NDUFAF6: variants seen among roughly 807,000 people sequenced by gnomAD.
NDUFAF6 encodes NADH dehydrogenase (ubiquinone) complex I, assembly factor 6.
In NDUFAF6, 45 loss-of-function variants were observed where a neutral mutation model predicts 40.8. The ratio of observed to expected loss-of-function variants is 1.10; its 90% confidence interval spans 0.87 to 1.42. The LOEUF (loss-of-function observed/expected upper bound fraction) is 1.42, where lower values mean the gene tolerates loss of function less well. Ranked by LOEUF, NDUFAF6 falls within the 40% of genes most tolerant of loss-of-function variation. The probability of loss-of-function intolerance (pLI) is 0.00; values close to 1 mark genes in which losing one functional copy is unlikely to be tolerated. For missense variants in NDUFAF6, 435 were observed against 418.5 expected (o/e 1.04, Z -0.34); for synonymous variants, 185 against 155.9 (o/e 1.19, Z -1.39).
At chr8:95,026,455 C>G (rs903191874) in intron 1 of NDUFAF6, among the ~76,000 whole-genome samples, 1 of 151,914 alleles carries the variant, frequency 6.6e-6, no homozygotes, top group African/African-American at 2.4e-5. Flanking sequence ...GCGACAGTCT[C>G]AAAAACAACA....
Position 94,940,196 on chromosome 8 carries a change from T to G in NDUFAF6, c.-935-5287T>G, listed in dbSNP as rs772277490. 8 of 1,611,320 alleles carry G rather than the reference T, an allele frequency of 5.0e-6. No homozygotes were observed. In the Admixed American group the frequency reaches 5.0e-5, roughly 10 times the overall value. On this transcript the variant is annotated intron_variant, in intron 1 of 14. Coordinates refer to the NDUFAF6 transcript ENST00000396113. ...GATGTCCTCCTCTTCTTCTTCTTCTTCTGCTGAGAAACCAGTGCAAGTATC... is the reference window on the plus strand; with the variant it reads ...GATGTCCTCCTCTTCTTCTTCTTCTGCTGCTGAGAAACCAGTGCAAGTATC...
chr8:95,024,773 G>A (rs1169913741), upstream of NDUFAF6, among the ~76,000 whole-genome samples: 2 of 152,214 alleles, frequency 1.3e-5, no homozygotes, highest in Admixed American at 6.5e-5. Context: ...GGGGGAAGGG[G>A]AAGAGCCCAG....
intron 2 of NDUFAF6, chr8:95,034,085 C>T (rs1829192106): frequency 2.2e-6 from 1 of 457,612 alleles, no homozygotes; most frequent in African/African-American, 2.0e-5. Flanking sequence ...AACCCACCCA[C>T]CACCAGGATA....
chr8:94,993,212 T>C (rs1178868855), intron 2 of NDUFAF6, among the ~76,000 whole-genome samples: 1 of 152,172 alleles, frequency 6.6e-6, no homozygotes, highest in South Asian at 2.1e-4. Context: ...ACCAATCATA[T>C]TGGATTAGGA....
intron 2 of NDUFAF6, among the ~76,000 whole-genome samples, chr8:95,017,012 C>A (rs1028061851): frequency 1.3e-5 from 2 of 148,978 alleles, no homozygotes; most frequent in Non-Finnish European, 3.0e-5. Flanking sequence ...TGGCTCACTG[C>A]GGCCTCAACT....
chr8:94,993,197 A>G (rs1435576664), intron 2 of NDUFAF6, among the ~76,000 whole-genome samples: 1 of 152,120 alleles, frequency 6.6e-6, no homozygotes, highest in Non-Finnish European at 1.5e-5. Flanking sequence ...TCTTCTTATA[A>G]GGATACCAAT....
intron 1 of NDUFAF6, among the ~76,000 whole-genome samples, chr8:94,963,435 A>G (rs1022905657): frequency 2.0e-5 from 3 of 152,170 alleles, no homozygotes; most frequent in Admixed American, 2.0e-4. Context: ...CAGAAAAGGA[A>G]CCCTACCTAA....
chr8:95,027,261 C>G (rs1828266718), intron 1 of NDUFAF6, among the ~76,000 whole-genome samples: 1 of 151,990 alleles, frequency 6.6e-6, no homozygotes, highest in Admixed American at 6.6e-5. Context: ...AATCCCAGCT[C>G]TATCACTTGG....
At chr8:95,032,694 T>A (rs760856789) in intron 2 of NDUFAF6, among the ~76,000 whole-genome samples, 1 of 152,148 alleles carries the variant, frequency 6.6e-6, no homozygotes, top group Non-Finnish European at 1.5e-5. Context: ...CAGTAATAAA[T>A]TGAGAGGTCA....
chr8:95,020,207 C>G (rs1246612620), upstream of NDUFAF6, among the ~76,000 whole-genome samples: 5 of 152,022 alleles, frequency 3.3e-5, no homozygotes. Context: ...CTCAAAAAAA[C>G]AAAGGTAATT....
At position 94,916,022 on chromosome 8, in the gene NDUFAF6, C is replaced by G. The variant is rs185403576; in HGVS notation, c.-936+20095C>G. 7.9e-5 allele frequency among the ~76,000 whole-genome samples: 12 copies of G among 152,238 alleles called. No individual in the cohort carries two copies. In the East Asian group the frequency reaches 2.3e-3, roughly 29 times the overall value. On this transcript the variant is annotated intron_variant, in intron 1 of 14. Coordinates refer to the NDUFAF6 transcript ENST00000396113. ...ATAAAAATTAAATTTCCCATTCTCC[C>G]TTGAAGCTAGGAGAGGCCATTGAAT...
chr8:94,921,456 A>G (rs1287871774), intron 1 of NDUFAF6, among the ~76,000 whole-genome samples: 1 of 152,224 alleles, frequency 6.6e-6, no homozygotes, highest in African/African-American at 2.4e-5. Context: ...AGCTGGGAAT[A>G]GTGAATGCCA....
At chr8:95,076,498 G>A (rs552055207), downstream of NDUFAF6, among the ~76,000 whole-genome samples, 6 of 152,280 alleles carry the variant, frequency 3.9e-5, no homozygotes, top group African/African-American at 1.2e-4. Context: ...TCTTGCCTGT[G>A]TTCTTTCTCT....
In NDUFAF6 at chr8:95,048,560, T is replaced by TA; in HGVS notation, c.816+4dup. The TA allele has an allele frequency of 6.2e-7, 1 of 1,611,938 alleles. No individual in the cohort carries two copies. The highest frequency in any genetic ancestry group is 1.1e-5 in the South Asian group (1 of 91,050). On this transcript the variant is annotated splice_region_variant and intron_variant, in intron 7 of 8. Coordinates refer to ENST00000396124, the MANE Select transcript of NDUFAF6 (RefSeq NM_152416.4). ...CAAGCACACTTGCACCTAAAGCATG[T>TA]AAGTCGGCTTTTTTTTGCCAAATCA...
At chr8:95,006,123 C>T (rs1210347565) in intron 2 of NDUFAF6, among the ~76,000 whole-genome samples, 4 of 151,728 alleles carry the variant, frequency 2.6e-5, no homozygotes, top group East Asian at 3.9e-4. Context: ...TTTGGGAGGC[C>T]GAGGTGGGCA....
intron 1 of NDUFAF6, among the ~76,000 whole-genome samples, chr8:94,936,595 T>A (rs1239325643): frequency 6.6e-6 from 1 of 152,202 alleles, no homozygotes; most frequent in African/African-American, 2.4e-5. Flanking sequence ...TTTTACTGAC[T>A]CATGGGCAGT....
intron 2 of NDUFAF6, among the ~76,000 whole-genome samples, chr8:94,946,203 A>G (rs1192417394): frequency 6.6e-6 from 1 of 151,716 alleles, no homozygotes; most frequent in Non-Finnish European, 1.5e-5. Flanking sequence ...ACATTTTATC[A>G]TCAATGGTTT....
chr8:95,050,039 T>A (rs1277097676), intron 7 of NDUFAF6, among the ~76,000 whole-genome samples: 2 of 152,140 alleles, frequency 1.3e-5, no homozygotes, highest in African/African-American at 4.8e-5. Flanking sequence ...CTGACAGAGG[T>A]ATAGATAAAA....
At chr8:95,048,677 T>C (rs1831088462) in intron 7 of NDUFAF6, 119 bp downstream of exon 7, 2 of 785,374 alleles carry the variant, frequency 2.5e-6, no homozygotes, top group Non-Finnish European at 4.4e-6. Context: ...TTTCATTGAT[T>C]TCCCAGTAGA....
Sources: gnomAD v4.1 joint callset for allele counts (sites outside exome capture counted in the v4.1 genomes callset) on GRCh38, gnomAD v4.1.1 for gene constraint, MANE v1.5 for transcripts, NCBI Gene and HGNC (gene_info 2026-07-23, HGNC 2026-07-21) for gene names.